SLC4A10: variants seen among roughly 807,000 people sequenced by gnomAD.
The protein encoded by SLC4A10 is solute carrier family 4 member 10.
Under a neutral mutation model 137.7 loss-of-function variants are expected in SLC4A10, and 42 were observed. That is an observed-to-expected ratio of 0.30 (90% confidence interval 0.24 to 0.39). The LOEUF (loss-of-function observed/expected upper bound fraction) is 0.39, where lower values mean the gene tolerates loss of function less well. Ranked by LOEUF, SLC4A10 falls within the 10% of genes least tolerant of loss-of-function variation. The pLI is 1.00. For missense variants in SLC4A10, 925 were observed against 1,355.0 expected (o/e 0.68, Z 4.98); for synonymous variants, 474 against 464.1 (o/e 1.02, Z -0.27).
chr2:161,902,553 T>C (rs958272687), intron 12 of SLC4A10, among the ~76,000 whole-genome samples: 3 of 152,152 alleles, frequency 2.0e-5, no homozygotes, highest in Non-Finnish European at 2.9e-5. Context: ...ATTTCACAGG[T>C]TCTCTGCAAG....
intron 1 of SLC4A10, chr2:161,708,798 C>A: frequency 3.3e-6 from 5 of 1,532,530 alleles, no homozygotes; most frequent in Non-Finnish European, 4.4e-6. Context: ...CAGTCTGGAA[C>A]CTGTGAGCCT....
At chr2:161,749,684 C>A (rs2125295929) in intron 1 of SLC4A10, among the ~76,000 whole-genome samples, 1 of 151,846 alleles carries the variant, frequency 6.6e-6, no homozygotes, top group African/African-American at 2.4e-5. Flanking sequence ...GAGGATTCTG[C>A]ATGTATATTC....
chr2:161,663,102 T>C (rs1414261848), intron 1 of SLC4A10, among the ~76,000 whole-genome samples: 1 of 152,202 alleles, frequency 6.6e-6, no homozygotes, highest in African/African-American at 2.4e-5. Context: ...ATCATACTCT[T>C]GTTCACAGTA....
intron 1 of SLC4A10, among the ~76,000 whole-genome samples, chr2:161,746,107 A>G (rs1296584852): frequency 6.6e-6 from 1 of 152,002 alleles, no homozygotes; most frequent in East Asian, 1.9e-4. Context: ...TGTTTGTTCA[A>G]GGCTTAAGAG....
chr2:161,641,713 G>A (rs893256035), intron 1 of SLC4A10, among the ~76,000 whole-genome samples: 9 of 151,930 alleles, frequency 5.9e-5, no homozygotes, highest in Admixed American at 5.9e-4. Context: ...AAGTTGTTTG[G>A]ATAATAGTGC....
At chr2:161,671,055 A>G (rs1413408239) in intron 1 of SLC4A10, among the ~76,000 whole-genome samples, 3 of 152,146 alleles carry the variant, frequency 2.0e-5, no homozygotes, top group Admixed American at 2.0e-4. Context: ...TATCAGTTCT[A>G]TGGTCTGAAC....
At chr2:161,626,425 A>G (rs1285927575) in intron 1 of SLC4A10, among the ~76,000 whole-genome samples, 3 of 152,178 alleles carry the variant, frequency 2.0e-5, no homozygotes, top group Admixed American at 1.3e-4. Flanking sequence ...CATCTGATGG[A>G]AATTTTTGAA....
At chr2:161,655,054 C>T (rs567943580) in intron 1 of SLC4A10, among the ~76,000 whole-genome samples, 4 of 152,182 alleles carry the variant, frequency 2.6e-5, no homozygotes, top group African/African-American at 9.6e-5. Flanking sequence ...TTTCCTTCTT[C>T]AATCTTTTGT....
At chr2:161,719,803 C>T (rs1011110337) in intron 1 of SLC4A10, among the ~76,000 whole-genome samples, 14 of 152,018 alleles carry the variant, frequency 9.2e-5, no homozygotes, top group Non-Finnish European at 1.3e-4. Context: ...AGCCCTTTGT[C>T]AGATGAGTAG....
chr2:161,630,443 A>T (rs1339943104), intron 1 of SLC4A10, among the ~76,000 whole-genome samples: 1 of 151,672 alleles, frequency 6.6e-6, no homozygotes, highest in African/African-American at 2.4e-5. Flanking sequence ...AGATAGATTC[A>T]TATATATTTT....
chr2:161,673,633 C>T (rs1433224733), intron 1 of SLC4A10, among the ~76,000 whole-genome samples: 1 of 152,062 alleles, frequency 6.6e-6, no homozygotes, highest in African/African-American at 2.4e-5. Flanking sequence ...TTCCTTGAAA[C>T]ACAAGAATCT....
intron 15 of SLC4A10, among the ~76,000 whole-genome samples, chr2:161,940,743 T>C (rs1472305362): frequency 6.6e-6 from 1 of 152,108 alleles, no homozygotes; most frequent in African/African-American, 2.4e-5. Context: ...TTAGCTAGTG[T>C]ATGAGAGAGA....
chr2:161,796,007 T>G (rs780646884), intron 2 of SLC4A10, among the ~76,000 whole-genome samples: 1 of 152,164 alleles, frequency 6.6e-6, no homozygotes, highest in Non-Finnish European at 1.5e-5. Context: ...TTGATCACAA[T>G]GTAGTATCAA....
At chr2:161,835,347 G>A (rs2058700009) in intron 3 of SLC4A10, among the ~76,000 whole-genome samples, 1 of 152,050 alleles carries the variant, frequency 6.6e-6, no homozygotes, top group African/African-American at 2.4e-5. Context: ...AAGACTGCAT[G>A]TCTTATGTCC....
intron 2 of SLC4A10, among the ~76,000 whole-genome samples, chr2:161,800,488 C>T (rs1027820564): frequency 2.0e-5 from 3 of 151,974 alleles, no homozygotes; most frequent in African/African-American, 4.8e-5. Context: ...CTTGTATTTA[C>T]AAACTTTGGG....
At chr2:161,685,634 AC>A (rs980194268) in intron 1 of SLC4A10, among the ~76,000 whole-genome samples, 9 of 108,172 alleles carry the variant, frequency 8.3e-5, no homozygotes, top group African/African-American at 1.9e-4. Context: ...AAACAAACAA[AC>A]AAAAAAAAAA....
At chr2:161,706,198 A>G (rs2043643713) in intron 1 of SLC4A10, among the ~76,000 whole-genome samples, 1 of 151,624 alleles carries the variant, frequency 6.6e-6, no homozygotes, top group South Asian at 2.1e-4. Flanking sequence ...TGTGCTTACA[A>G]GAAAACACTG....
At chr2:161,679,750 T>G (rs2040648932) in intron 1 of SLC4A10, among the ~76,000 whole-genome samples, 1 of 151,110 alleles carries the variant, frequency 6.6e-6, no homozygotes, top group Non-Finnish European at 1.5e-5. Context: ...TCAAGTGGCT[T>G]GTCTGCTTTT....
At chr2:161,928,716 C>T (rs182102869) in intron 15 of SLC4A10, among the ~76,000 whole-genome samples, 111 of 147,852 alleles carry the variant, frequency 7.5e-4, no homozygotes, top group African/African-American at 2.6e-3. Context: ...TTATTTCTAT[C>T]AGTGTAGCCT....
Sources: allele counts gnomAD v4.1 joint callset (sites outside exome capture counted in the v4.1 genomes callset), GRCh38; gene constraint gnomAD v4.1.1; transcripts MANE v1.5; gene names NCBI Gene and HGNC (gene_info 2026-07-23, HGNC 2026-07-21).